BCL2: variants seen among roughly 807,000 people sequenced by gnomAD.
BCL2 encodes the protein apoptosis regulator Bcl-2.
Under a neutral mutation model 14.2 loss-of-function variants are expected in BCL2, and 1 was observed. That is an observed-to-expected ratio of 0.07 (90% CI 0.02 to 0.33). The LOEUF (loss-of-function observed/expected upper bound fraction) is 0.33. BCL2 is among the 10% of genes least tolerant of loss of function. The probability of loss-of-function intolerance (pLI) is 0.99; values close to 1 mark genes in which losing one functional copy is unlikely to be tolerated. For missense variants in BCL2, 247 were observed against 305.9 expected (o/e 0.81, Z 1.44); for synonymous variants, 151 against 137.2 (o/e 1.10, Z -0.70).
At chr18:63,282,198 A>G (rs1912338217) in intron 2 of BCL2, among the ~76,000 whole-genome samples, 1 of 152,222 alleles carries the variant, frequency 6.6e-6, no homozygotes, top group African/African-American at 2.4e-5. Context: ...AGTCATTTCA[A>G]TTAGGTCTGT....
intron 2 of BCL2, among the ~76,000 whole-genome samples, chr18:63,299,124 TAGAA>T (rs796113289): frequency 5.3e-5 from 8 of 152,356 alleles, no homozygotes; most frequent in African/African-American, 1.9e-4. Context: ...ATAGAACGTT[TAGAA>T]AGAGTTGGGC....
At chr18:63,223,203 C>G (rs1189365913) in intron 2 of BCL2, among the ~76,000 whole-genome samples, 2 of 152,136 alleles carry the variant, frequency 1.3e-5, no homozygotes, top group East Asian at 3.9e-4. Context: ...AGATTGAGAC[C>G]ATCCTGGCTA....
At chr18:63,189,698 A>AC (rs1314081412) in intron 2 of BCL2, among the ~76,000 whole-genome samples, 2 of 101,520 alleles carry the variant, frequency 2.0e-5, no homozygotes, top group African/African-American at 7.7e-5. Context: ...CTGGTGTCCC[A>AC]CCCCCCACCC....
At chr18:63,188,691 T>A (rs147515317) in intron 2 of BCL2, among the ~76,000 whole-genome samples, 1 of 151,094 alleles carries the variant, frequency 6.6e-6, no homozygotes, top group Non-Finnish European at 1.5e-5. Context: ...TATTAATTTG[T>A]AATAATATTA....
intron 2 of BCL2, among the ~76,000 whole-genome samples, chr18:63,255,987 A>G (rs1172582094): frequency 6.6e-6 from 1 of 152,096 alleles, no homozygotes; most frequent in Non-Finnish European, 1.5e-5. Context: ...CTGATAACCA[A>G]TCTTAATCCC....
chr18:63,163,450 C>T (rs969916574), intron 2 of BCL2, among the ~76,000 whole-genome samples: 2 of 152,174 alleles, frequency 1.3e-5, no homozygotes, highest in Non-Finnish European at 2.9e-5. Flanking sequence ...CCCACAGTGC[C>T]TAGCCCTATA....
intron 2 of BCL2, among the ~76,000 whole-genome samples, chr18:63,226,919 A>ATT (rs2144170238): frequency 6.6e-6 from 1 of 152,338 alleles, no homozygotes; most frequent in South Asian, 2.1e-4. Flanking sequence ...ACTCAGATAG[A>ATT]TAAATAGAGG....
intron 2 of BCL2, among the ~76,000 whole-genome samples, chr18:63,196,611 A>T (rs1228763894): frequency 6.6e-6 from 1 of 152,168 alleles, no homozygotes; most frequent in Non-Finnish European, 1.5e-5. Context: ...TTGAAAATTA[A>T]TGAGAGCTGA....
intron 2 of BCL2, among the ~76,000 whole-genome samples, chr18:63,228,426 C>A (rs1351290478): frequency 6.6e-6 from 1 of 152,110 alleles, no homozygotes; most frequent in East Asian, 1.9e-4. Context: ...AACTTTATAC[C>A]CCCCAGCATA....
intron 2 of BCL2, among the ~76,000 whole-genome samples, chr18:63,162,068 A>C (rs1049075750): frequency 4.6e-5 from 7 of 152,196 alleles, no homozygotes; most frequent in African/African-American, 1.7e-4. Context: ...GAACGATGTC[A>C]GACATGAGCA....
At chr18:63,146,763 T>C (rs900121918) in intron 2 of BCL2, among the ~76,000 whole-genome samples, 14 of 152,200 alleles carry the variant, frequency 9.2e-5, no homozygotes, top group African/African-American at 3.4e-4. Flanking sequence ...CCCGAGAAAC[T>C]GTGAAAAAAG....
intron 2 of BCL2, among the ~76,000 whole-genome samples, chr18:63,298,097 A>G (rs764643331): frequency 1.2e-4 from 18 of 152,338 alleles, no homozygotes; most frequent in South Asian, 6.2e-4. Context: ...CAGACCCCCA[A>G]TTAGAATCGG....
intron 2 of BCL2, among the ~76,000 whole-genome samples, chr18:63,273,769 C>G (rs1396230205): frequency 2.6e-5 from 4 of 152,142 alleles, no homozygotes; most frequent in African/African-American, 9.7e-5. Context: ...CTGACTCCTC[C>G]CTCTTAAGGC....
chr18:63,304,172 G>C (rs2144290284), intron 2 of BCL2, among the ~76,000 whole-genome samples: 1 of 152,264 alleles, frequency 6.6e-6, no homozygotes, highest in Non-Finnish European at 1.5e-5. Flanking sequence ...TAATTTTTAA[G>C]TTGTTTACTT....
chr18:63,192,870 G>A lies in BCL2; in HGVS notation c.586-64111C>T, dbSNP rs533602462. Among the ~76,000 whole-genome samples, 7 of 152,308 alleles carry A rather than the reference G, an allele frequency of 4.6e-5. No homozygotes were observed. In the South Asian group the frequency reaches 1.5e-3, roughly 32 times the overall value. On this transcript the variant is annotated intron_variant, in intron 2 of 2. Transcript: ENST00000333681. ...GCACTGACAGATTCCATACTTCTGTGTAACTAATTTTGGCCAAAAATATTT... is the reference window on the plus strand; with the variant it reads ...GCACTGACAGATTCCATACTTCTGTATAACTAATTTTGGCCAAAAATATTT...
chr18:63,165,780 T>A (rs1915029501), intron 2 of BCL2, among the ~76,000 whole-genome samples: 1 of 147,106 alleles, frequency 6.8e-6, no homozygotes, highest in Admixed American at 6.8e-5. Flanking sequence ...CCTTAGGATC[T>A]AGAGAAGGCT....
chr18:63,276,754 G>C (rs867256212), intron 2 of BCL2, among the ~76,000 whole-genome samples: 1 of 152,338 alleles, frequency 6.6e-6, no homozygotes. Flanking sequence ...CACGTTTGCA[G>C]TGATCCTACA....
intron 2 of BCL2, among the ~76,000 whole-genome samples, chr18:63,166,773 T>G (rs1417919694): frequency 6.6e-6 from 1 of 152,198 alleles, no homozygotes; most frequent in East Asian, 1.9e-4. Context: ...CATTAATGAT[T>G]GCAGCATTAG....
intron 2 of BCL2, among the ~76,000 whole-genome samples, chr18:63,254,288 A>G (rs1317870907): frequency 6.7e-6 from 1 of 150,100 alleles, no homozygotes; most frequent in East Asian, 2.0e-4. Context: ...GCTCACGTCT[A>G]TAATCCCAAC....
Sources: gnomAD v4.1 joint callset for allele counts (sites outside exome capture counted in the v4.1 genomes callset) on GRCh38, gnomAD v4.1.1 for gene constraint, MANE v1.5 for transcripts, NCBI Gene and HGNC (gene_info 2026-07-23, HGNC 2026-07-21) for gene names.